Variants in ITGA8 observed in about 807,000 individuals in gnomAD.
The protein encoded by ITGA8 is integrin alpha-8.
Under a neutral mutation model 142.3 loss-of-function variants are expected in ITGA8, and 91 were observed. That is an observed-to-expected ratio of 0.64 (90% CI 0.54 to 0.76). ITGA8 has a LOEUF of 0.76. Among genes scored for constraint, ITGA8 ranks in the 30% least tolerant of loss-of-function variants. ITGA8 has a pLI of 0.00. For missense variants in ITGA8, 1,406 were observed against 1,327.7 expected (o/e 1.06, Z -0.92); for synonymous variants, 505 against 485.2 (o/e 1.04, Z -0.54).
At chr10:15,659,713 G>C (rs1001610555) in intron 9 of ITGA8, among the ~76,000 whole-genome samples, 1 of 152,110 alleles carries the variant, frequency 6.6e-6, no homozygotes, top group Non-Finnish European at 1.5e-5. Flanking sequence ...GAAACCATCC[G>C]GGTAGGCTCT....
intron 4 of ITGA8, among the ~76,000 whole-genome samples, chr10:15,682,287 T>C (rs1834751941): frequency 6.6e-6 from 1 of 152,210 alleles, no homozygotes; most frequent in South Asian, 2.1e-4. Flanking sequence ...TCCCTCTTGT[T>C]CTTTGCTGAA....
At chr10:15,638,202 A>T (rs145281348) in intron 13 of ITGA8, among the ~76,000 whole-genome samples, 18 of 152,342 alleles carry the variant, frequency 1.2e-4, no homozygotes, top group African/African-American at 3.8e-4. Context: ...AATATAAACC[A>T]AACCACCTCT....
chr10:15,702,887 G>A (rs769776247), intron 2 of ITGA8, among the ~76,000 whole-genome samples: 2 of 152,132 alleles, frequency 1.3e-5, no homozygotes, highest in Non-Finnish European at 2.9e-5. Flanking sequence ...AACTGTATAA[G>A]GTAGCAAGTG....
intron 20 of ITGA8, among the ~76,000 whole-genome samples, chr10:15,602,425 A>G (rs181262175): frequency 6.6e-5 from 10 of 152,302 alleles, no homozygotes; most frequent in African/African-American, 2.4e-4. Flanking sequence ...TAATAGAGAA[A>G]TGAAGAGGAT....
At chr10:15,621,149 T>C (rs1260069817) in intron 13 of ITGA8, among the ~76,000 whole-genome samples, 1 of 149,652 alleles carries the variant, frequency 6.7e-6, no homozygotes, top group African/African-American at 2.4e-5. Context: ...CCTTTCTCTA[T>C]ACATAGACAC....
intron 8 of ITGA8, among the ~76,000 whole-genome samples, chr10:15,665,161 A>C (rs1426619862): frequency 6.6e-6 from 1 of 152,132 alleles, no homozygotes; most frequent in Non-Finnish European, 1.5e-5. Flanking sequence ...ATTTCTCCAC[A>C]TCCTCTCCAG....
At chr10:15,650,303 C>G (rs147620071) in intron 11 of ITGA8, among the ~76,000 whole-genome samples, 14 of 152,282 alleles carry the variant, frequency 9.2e-5, no homozygotes, top group African/African-American at 3.1e-4. Flanking sequence ...GCATAAGTTA[C>G]TATGCTTTTA....
intron 23 of ITGA8, among the ~76,000 whole-genome samples, chr10:15,576,616 T>A (rs552893235): frequency 1.3e-5 from 2 of 152,324 alleles, no homozygotes; most frequent in African/African-American, 4.8e-5. Context: ...CAACTTCAAA[T>A]GTTAGCAAAA....
At chr10:15,613,486 G>A in intron 15 of ITGA8, 174 bp downstream of exon 15, 1 of 626,910 alleles carries the variant, frequency 1.6e-6, no homozygotes, top group East Asian at 2.7e-5. Context: ...CTAACTCCTT[G>A]CTACTCAAAC....
At chr10:15,711,653 C>T (rs1404699290) in intron 2 of ITGA8, among the ~76,000 whole-genome samples, 1 of 151,772 alleles carries the variant, frequency 6.6e-6, no homozygotes, top group Admixed American at 6.6e-5. Flanking sequence ...CATCAACCTC[C>T]CCCCCAAAAG....
At chr10:15,708,350 T>C (rs1463626461) in intron 2 of ITGA8, among the ~76,000 whole-genome samples, 5 of 152,140 alleles carry the variant, frequency 3.3e-5, no homozygotes, top group African/African-American at 1.2e-4. Context: ...GAATGGATAA[T>C]CTATCACAGG....
Position 15,672,617 on chromosome 10 carries a change from G to T in ITGA8, c.802+7C>A. On this transcript the variant is annotated splice_region_variant and intron_variant, in intron 7 of 29. Coordinates refer to ENST00000378076, the MANE Select transcript of ITGA8 (RefSeq NM_003638.3). ...AAACCACAAATGTCTTGGGCAATGGGTCTTACCAAGGTAACTGTCATCATA... is the reference window on the plus strand; with the variant it reads ...AAACCACAAATGTCTTGGGCAATGGTTCTTACCAAGGTAACTGTCATCATA... The T allele has an allele frequency of 6.2e-7, 1 of 1,611,016 alleles. No homozygotes were observed. The highest frequency in any genetic ancestry group is 2.2e-5 in the East Asian group (1 of 44,686).
intron 7 of ITGA8, among the ~76,000 whole-genome samples, chr10:15,671,862 C>G (rs1006206442): frequency 4.0e-5 from 5 of 123,936 alleles, no homozygotes; most frequent in Admixed American, 1.0e-4. Context: ...TTATCTACTA[C>G]TTAAGTAGGA....
chr10:15,539,747 C>A (rs185086378), intron 27 of ITGA8, among the ~76,000 whole-genome samples: 252 of 152,252 alleles, frequency 1.7e-3, no homozygotes, highest in Non-Finnish European at 2.6e-3. Flanking sequence ...CAACTCAGGG[C>A]AATTGGGGTA....
intron 10 of ITGA8, among the ~76,000 whole-genome samples, chr10:15,658,557 G>A (rs182422805): frequency 4.2e-4 from 64 of 152,190 alleles, no homozygotes; most frequent in African/African-American, 1.4e-3. Context: ...CTTCTTGTTA[G>A]CCTTCCCTTG....
chr10:15,647,666 G>T (rs1026082393), intron 11 of ITGA8, among the ~76,000 whole-genome samples: 2 of 151,140 alleles, frequency 1.3e-5, no homozygotes, highest in African/African-American at 4.9e-5. Context: ...GTTTCACCTT[G>T]TTAGCCAGGA....
chr10:15,549,649 G>A (rs527466261), intron 26 of ITGA8, among the ~76,000 whole-genome samples: 14 of 152,136 alleles, frequency 9.2e-5, no homozygotes, highest in South Asian at 8.3e-4. Context: ...TGGCCCATGC[G>A]TATTCATTTT....
chr10:15,582,617 G>T (rs1471842920), intron 23 of ITGA8, among the ~76,000 whole-genome samples: 1 of 152,246 alleles, frequency 6.6e-6, no homozygotes, highest in African/African-American at 2.4e-5. Flanking sequence ...TAAATGGGTA[G>T]AAGATTTGAA....
At chr10:15,702,329 C>T (rs193155216) in intron 2 of ITGA8, among the ~76,000 whole-genome samples, 3 of 150,280 alleles carry the variant, frequency 2.0e-5, no homozygotes, top group East Asian at 1.9e-4. Flanking sequence ...TCATTCTTAT[C>T]GCCCAGGCTA....
Sources: allele counts gnomAD v4.1 joint callset (sites outside exome capture counted in the v4.1 genomes callset), GRCh38; gene constraint gnomAD v4.1.1; transcripts MANE v1.5; gene names NCBI Gene and HGNC (gene_info 2026-07-23, HGNC 2026-07-21).